Variants in TMEM87B observed in about 807,000 individuals in gnomAD.
TMEM87B encodes transmembrane protein 87B.
TMEM87B carries 83 observed loss-of-function variants against 80.3 expected under a neutral mutation model. That is an observed-to-expected ratio of 1.03 (90% CI 0.87 to 1.24). The LOEUF is 1.24. TMEM87B is among the 50% of genes most tolerant of loss of function. The probability of loss-of-function intolerance (pLI) is 0.00; values close to 1 mark genes in which losing one functional copy is unlikely to be tolerated. For synonymous variants in TMEM87B, 219 were observed against 230.5 expected, an observed-to-expected ratio of 0.95 and a Z score of 0.45; for missense variants, 625 against 674.4, an observed-to-expected ratio of 0.93 and a Z score of 0.81.
chr2:112,084,477 C>T (rs141346022), intron 8 of TMEM87B, among the ~76,000 whole-genome samples: 1 of 152,302 alleles, frequency 6.6e-6, no homozygotes, highest in African/African-American at 2.4e-5. Flanking sequence ...CGGTCTCGCC[C>T]CAGCCCACAC....
chr2:112,085,028 T>C (rs891604226), intron 8 of TMEM87B, among the ~76,000 whole-genome samples: 3 of 152,264 alleles, frequency 2.0e-5, no homozygotes, highest in Admixed American at 1.3e-4. Flanking sequence ...AGCATTGCTG[T>C]GTTCCCATAA....
At position 112,077,280 on chromosome 2, in the gene TMEM87B, A is replaced by G. The variant is rs2104471423; in HGVS notation, c.590A>G (p.Asn197Ser). ...TENTDASWNL[N>S]VSLSMIGPHG... ...AATACAGATGCAAGCTGGAATTTGAATGGTATAGTTAAACTGCATGCATGT... is the reference window on the plus strand; with the variant it reads ...AATACAGATGCAAGCTGGAATTTGAGTGGTATAGTTAAACTGCATGCATGT... Residue 197 changes from asparagine to serine, a missense_variant and splice_region_variant, in exon 6 of 19, where the codon AAT becomes AGT. Transcript: ENST00000283206. The G allele has an allele frequency of 2.6e-6, 4 of 1,550,690 alleles. No individual in the cohort carries two copies. Among genetic ancestry groups the G allele is most frequent in the Non-Finnish European group, 3.5e-6 (4 of 1,135,784 alleles).
At chr2:112,107,989 T>A (rs1185485619) in intron 17 of TMEM87B, 149 bp downstream of exon 17, 5 of 426,820 alleles carry the variant, frequency 1.2e-5, no homozygotes, top group African/African-American at 2.0e-5. Context: ...CTTACAGAAC[T>A]GCAAAGAAAA....
At chr2:112,059,156 TG>T (rs1678169240) in intron 1 of TMEM87B, among the ~76,000 whole-genome samples, 1 of 152,160 alleles carries the variant, frequency 6.6e-6, no homozygotes, top group African/African-American at 2.4e-5. Context: ...TTTTTTGTTT[TG>T]TTTTGTTTTG....
intron 15 of TMEM87B, among the ~76,000 whole-genome samples, chr2:112,101,411 C>T (rs1216016601): frequency 6.6e-6 from 1 of 152,018 alleles, no homozygotes; most frequent in Non-Finnish European, 1.5e-5. Flanking sequence ...CTACTCTAAA[C>T]CAGAAATAAA....
At chr2:112,058,974 T>A (rs1049504689) in intron 1 of TMEM87B, among the ~76,000 whole-genome samples, 1 of 151,824 alleles carries the variant, frequency 6.6e-6, no homozygotes, top group Admixed American at 6.6e-5. Context: ...CAGAGAGGAG[T>A]GTGTCTGGTT....
chr2:112,055,543 GC>G lies in TMEM87B; in HGVS notation c.-48del, dbSNP rs1277150505. 6.9e-7 allele frequency: 1 copy of G among 1,457,218 alleles called. No individual in the cohort carries two copies. Among genetic ancestry groups the G allele is most frequent in the Non-Finnish European group, 9.0e-7 (1 of 1,108,498 alleles). 90.3% of individuals were successfully genotyped at this position (1,457,218 alleles called of 1,614,324 possible). A position where few individuals can be genotyped will look rare whatever the true frequency, so the allele number is the denominator to read the frequency against. On this transcript the variant is annotated 5_prime_UTR_variant, in exon 1 of 19. Transcript: ENST00000283206. ...TGCCTGGGGCGGTGCTGCACCAGGT[GC>G]GGGTGTGGCAGGCGTCTCGGAGCGC...
chr2:112,109,861 A>G (rs1316402304), intron 17 of TMEM87B, among the ~76,000 whole-genome samples: 1 of 150,566 alleles, frequency 6.6e-6, no homozygotes, highest in East Asian at 1.9e-4. Context: ...CTGCCTCCCA[A>G]GTTCCAGTGA....
chr2:112,056,512 T>G (rs1678068008), intron 1 of TMEM87B, among the ~76,000 whole-genome samples: 1 of 151,984 alleles, frequency 6.6e-6, no homozygotes, highest in Non-Finnish European at 1.5e-5. Context: ...GGGGCAGAAT[T>G]ATGGAAAGTC....
In TMEM87B at chr2:112,090,471, T is replaced by G. The variant is rs548557593; in HGVS notation, c.1032+753T>G. 3.5e-3 allele frequency among the ~76,000 whole-genome samples: 527 copies of G among 152,104 alleles called. 2 individuals are homozygous for G. The highest frequency in any genetic ancestry group is 0.02 in the Middle Eastern group (6 of 294). On this transcript the variant is annotated intron_variant, in intron 10 of 18. Transcript: ENST00000283206. ...TGTTGCCTAGGCTGGGGTGCAGTGGTGCAGTGGCGCAGTGGCATGATCATG... is the reference window on the plus strand; with the variant it reads ...TGTTGCCTAGGCTGGGGTGCAGTGGGGCAGTGGCGCAGTGGCATGATCATG...
rs193212474 is a variant in TMEM87B, at chr2:112,091,786, A to G, written c.1104+3A>G. 1.2e-6 allele frequency: 2 copies of G among 1,601,080 alleles called. No individual in the cohort carries two copies. Among genetic ancestry groups the G allele is most frequent in the East Asian group, 2.2e-5 (1 of 44,744 alleles). ...TTGACTCCATTTTTGTGTGGTTCAT[A>G]TCCTTTACTGTGTCCTTCAAAATAG... On this transcript the variant is annotated splice_donor_region_variant and intron_variant, in intron 11 of 18. Transcript: ENST00000283206.
intron 9 of TMEM87B, among the ~76,000 whole-genome samples, chr2:112,088,822 G>A (rs1679221912): frequency 6.6e-6 from 1 of 152,046 alleles, no homozygotes; most frequent in South Asian, 2.1e-4. Flanking sequence ...GCAGTGGTGC[G>A]ATCTTGGCTC....
chr2:112,086,076 A>C lies in TMEM87B; in HGVS notation c.910A>C (p.Ile304Leu), dbSNP rs758215345. The change falls in exon 9 of 19, where the codon ATT becomes CTT. Residue 304 changes from isoleucine to leucine, a missense_variant. Ile to Leu is a conservative substitution (Grantham distance 5, BLOSUM62 2). Transcript: ENST00000283206. ...KRTLARLLVIIVSLGYGIVKP... is the reference protein window; with the variant it reads ...KRTLARLLVILVSLGYGIVKP... ...GACGTTGGCTCGCCTTCTCGTGATC[A>C]TTGTGAGCCTGGGCTATGGCATTGT... 2.7e-4 allele frequency: 432 copies of C among 1,614,068 alleles called. No individual in the cohort carries two copies. The highest frequency in any genetic ancestry group is 3.5e-4 in the Non-Finnish European group (416 of 1,180,042).
At chr2:112,097,011 T>G in intron 11 of TMEM87B, 33 bp from the exon 12 acceptor site, 1 of 1,390,940 alleles carries the variant, frequency 7.2e-7, no homozygotes, top group East Asian at 2.3e-5. Context: ...CCTCTTATTA[T>G]TACTTGGAAT....
chr2:112,090,379 ATTGGTTGGTTGG>A (rs139232840), intron 10 of TMEM87B, among the ~76,000 whole-genome samples: 46,576 of 149,952 alleles, frequency 0.31, 7,719 homozygotes, highest in Middle Eastern at 0.5. Flanking sequence ...TCATTGGTTG[ATTGGTTGGTTGG>A]TTGGTTGGTT....
At chr2:112,115,730 A>T (rs1199713711) in intron 18 of TMEM87B, among the ~76,000 whole-genome samples, 2 of 152,184 alleles carry the variant, frequency 1.3e-5, no homozygotes, top group African/African-American at 4.8e-5. Flanking sequence ...AGGAAGTTGA[A>T]GTTTTCTGAA....
intron 15 of TMEM87B, chr2:112,105,737 T>C (rs982852708): frequency 6.2e-6 from 2 of 324,354 alleles, no homozygotes; most frequent in Admixed American, 4.6e-5. Context: ...TATGCATGTA[T>C]ACTTGTTTAA....
chr2:112,061,157 G>A (rs1203471841), intron 2 of TMEM87B, among the ~76,000 whole-genome samples: 1 of 152,182 alleles, frequency 6.6e-6, no homozygotes, highest in Non-Finnish European at 1.5e-5. Context: ...TGTCTTTTCT[G>A]TGTCAATACT....
intron 16 of TMEM87B, among the ~76,000 whole-genome samples, chr2:112,107,195 T>C (rs1367167826): frequency 6.6e-6 from 1 of 151,878 alleles, no homozygotes; most frequent in East Asian, 1.9e-4. Flanking sequence ...CCATCTCTAC[T>C]AAAATTACAA....
Sources: allele counts gnomAD v4.1 joint callset (sites outside exome capture counted in the v4.1 genomes callset), GRCh38; gene constraint gnomAD v4.1.1; transcripts MANE v1.5; gene names NCBI Gene and HGNC (gene_info 2026-07-23, HGNC 2026-07-21).